LUZP4: variants seen among roughly 807,000 people sequenced by gnomAD.
The protein encoded by LUZP4 is leucine zipper protein 4, also known as HOM-TES-85 tumor antigen.
A neutral mutation model predicts 8.5 loss-of-function variants in LUZP4; 11 were observed. The observed-to-expected ratio is 1.30, with a 90% CI of 0.82 to 2.14. The LOEUF (loss-of-function observed/expected upper bound fraction) is 2.14, where lower values mean the gene tolerates loss of function less well. Ranked by LOEUF, LUZP4 falls within the 30% of genes most tolerant of loss-of-function variation. The pLI is 0.00. For synonymous variants in LUZP4, 104 were observed against 79.4 expected (o/e 1.31, Z -1.65); for missense variants, 276 against 229.7 (o/e 1.20, Z -1.30).
At chrX:115,289,918 A>T in intron 1 of LUZP4, 68 bp downstream of exon 1, 1 of 803,897 alleles carries the variant, frequency 1.2e-6, no homozygotes, top group Non-Finnish European at 1.8e-6. Flanking sequence ...AGACCTCGGC[A>T]TAGCGCTTAC....
chrX:115,300,177 C>A (rs2073390142), intron 1 of LUZP4, among the ~76,000 whole-genome samples: 1 of 111,496 alleles, frequency 9.0e-6, no homozygotes, highest in African/African-American at 3.3e-5. Flanking sequence ...TGCCACCACT[C>A]CCTTGGCTGC....
At chrX:115,303,498 T>C (rs2073407271) in intron 3 of LUZP4, 80 bp downstream of exon 3, 1 of 474,916 alleles carries the variant, frequency 2.1e-6, no homozygotes, top group African/African-American at 2.5e-5. Context: ...TTACTTTAAA[T>C]TCTATTGAAA....
In LUZP4 at chrX:115,307,491, T is replaced by C. The variant is rs2073429329; in HGVS notation, c.*687T>C. Reference sequence around the variant, plus strand: ...AAATTTAAATGTACTGGGAGTTATGTTGTTAAAAACACAAGATATGTTAAC... The same window carrying C: ...AAATTTAAATGTACTGGGAGTTATGCTGTTAAAAACACAAGATATGTTAAC... On this transcript the variant is annotated 3_prime_UTR_variant, in exon 4 of 4. Coordinates refer to ENST00000371920, the MANE Select transcript of LUZP4 (RefSeq NM_016383.5). 8.9e-6 allele frequency: 1 copy of C among 112,421 alleles called. No individual in the cohort carries two copies. The highest frequency in any genetic ancestry group is 3.7e-4 in the South Asian group (1 of 2,694). 9.3% of individuals were successfully genotyped at this position (112,421 alleles called of 1,213,427 possible).
rs781871454 is a variant in LUZP4, at chrX:115,306,798, T to C, written c.936T>C (p.Thr312=). The C allele has an allele frequency of 1.8e-5, 22 of 1,199,316 alleles. No homozygotes were observed. In the South Asian group the frequency reaches 3.5e-4, roughly 19 times the overall value. ...ACTCAACAGGTAAAAATACAATAAC[T>C]ACTTAATCATCAGAACAATGTGTTG... ...QRYSTGKNTI[T]T Residue 312 remains threonine (T), a synonymous_variant, in exon 4 of 4, where the codon ACT becomes ACC. Transcript: ENST00000371920.
chrX:115,293,148 A>C (rs1356517659), intron 1 of LUZP4, among the ~76,000 whole-genome samples: 1 of 112,068 alleles, frequency 8.9e-6, no homozygotes, highest in African/African-American at 3.2e-5. Context: ...GAAATATTTA[A>C]AAAATCAAAT....
intron 1 of LUZP4, among the ~76,000 whole-genome samples, chrX:115,301,014 A>G (rs1191352669): frequency 9.0e-6 from 1 of 110,828 alleles, no homozygotes; most frequent in Non-Finnish European, 1.9e-5. Context: ...CCTATCCCAG[A>G]ATCAGATATT....
At chrX:115,293,807 C>T (rs781824835) in intron 1 of LUZP4, among the ~76,000 whole-genome samples, 5 of 108,962 alleles carry the variant, frequency 4.6e-5, no homozygotes, top group East Asian at 5.9e-4. Context: ...AAAAATTAGC[C>T]GGGCGTGGAG....
At chrX:115,300,562 T>C (rs1415488735) in intron 1 of LUZP4, among the ~76,000 whole-genome samples, 1 of 112,136 alleles carries the variant, frequency 8.9e-6, no homozygotes, top group East Asian at 2.8e-4. Flanking sequence ...ACTGTAGCTC[T>C]TGATGGAGAG....
At chrX:115,301,893 G>A in intron 1 of LUZP4, 99 bp from the exon 2 acceptor site, 1 of 461,792 alleles carries the variant, frequency 2.2e-6, no homozygotes, top group Non-Finnish European at 3.4e-6. Flanking sequence ...CCAGTTTTTA[G>A]GTATTCTGAA....
At chrX:115,290,782 T>A (rs5988246) in intron 1 of LUZP4, among the ~76,000 whole-genome samples, 1,219 of 109,019 alleles carry the variant, frequency 0.011, 15 homozygotes, top group African/African-American at 0.039. Flanking sequence ...CTACTTTAGT[T>A]AGGGGTGTGT....
In LUZP4 at chrX:115,302,062, T is replaced by C. The variant is rs1165995213; in HGVS notation, c.162T>C (p.His54=). The C allele has an allele frequency of 2.5e-6, 3 of 1,192,409 alleles. No homozygotes were observed. The South Asian group carries it at 5.5e-5, about 22-fold the overall frequency. ...AAGAAAAGAATAAAAGACAGAACCA[T>C]AGTAAAAAGGAATCGCCTTCAAGAC... ...AEEEKNKRQN[H]SKKESPSRQQ... Residue 54 remains histidine, a synonymous_variant, in exon 2 of 4, where the codon CAT becomes CAC. Coordinates refer to ENST00000371920, the MANE Select transcript of LUZP4 (RefSeq NM_016383.5).
rs1028541719 is a variant in LUZP4 at position 115,306,268 on chromosome X, C to T, written c.406C>T (p.Gln136Ter). 5 of 1,208,382 alleles carry T rather than the reference C, an allele frequency of 4.1e-6. No homozygotes were observed. ...EKNQGQSEGN[Q>*]HQSEGNPDKS... ...GAATCAAGGCCAGTCAGAGGGGAAC[C>T]AGCATCAATCAGAAGGAAATCCGGA... Residue 136 changes from glutamine to a stop codon, truncating the protein, a stop_gained, in exon 4 of 4, where the codon CAG becomes TAG. Transcript: ENST00000371920. LOFTEE classifies it low-confidence loss of function (END_TRUNC).
At chrX:115,302,149 C>T (rs2073400634) in intron 2 of LUZP4, 26 bp downstream of exon 2, 4 of 1,133,685 alleles carry the variant, frequency 3.5e-6, no homozygotes, top group Admixed American at 6.0e-5. Context: ...AATAGTCACA[C>T]GTGGTAAAAA....
chrX:115,303,447 T>C, intron 3 of LUZP4, 29 bp downstream of exon 3: 1 of 773,472 alleles, frequency 1.3e-6, no homozygotes, highest in Non-Finnish European at 1.9e-6. Flanking sequence ...TTAACCAATA[T>C]TAAAAATCCT....
At chrX:115,302,694 T>A (rs1467497464) in intron 2 of LUZP4, among the ~76,000 whole-genome samples, 1 of 112,932 alleles carries the variant, frequency 8.9e-6, no homozygotes, top group Non-Finnish European at 1.9e-5. Flanking sequence ...ACATTGTGAT[T>A]ACTATAAGCC....
chrX:115,290,956 G>GT (rs1456847465), intron 1 of LUZP4, among the ~76,000 whole-genome samples: 11 of 110,845 alleles, frequency 9.9e-5, no homozygotes, highest in African/African-American at 2.6e-4. Context: ...CTAGGTTTTT[G>GT]TTTTTTTGTT....
At chrX:115,297,389 T>C (rs1403395211) in intron 1 of LUZP4, among the ~76,000 whole-genome samples, 1 of 112,234 alleles carries the variant, frequency 8.9e-6, no homozygotes, top group African/African-American at 3.2e-5. Context: ...TCATTACTCA[T>C]TAATGTCTTT....
chrX:115,306,870 A>AT lies in LUZP4; in HGVS notation c.*67dup. On this transcript the variant is annotated 3_prime_UTR_variant, in exon 4 of 4. Coordinates refer to ENST00000371920, the MANE Select transcript of LUZP4 (RefSeq NM_016383.5). Reference sequence around the variant, plus strand: ...CATATATCTATATTCTAATGGCTAAATATGTATTTGTTGAAACATGTATAT... The same window carrying AT: ...CATATATCTATATTCTAATGGCTAAATTATGTATTTGTTGAAACATGTATAT... 1.0e-6 allele frequency: 1 copy of AT among 1,002,217 alleles called. No homozygotes were observed. Among genetic ancestry groups the AT allele is most frequent in the Non-Finnish European group, 1.4e-6 (1 of 722,119 alleles). 82.6% of individuals were successfully genotyped at this position (1,002,217 alleles called of 1,213,427 possible).
intron 1 of LUZP4, among the ~76,000 whole-genome samples, chrX:115,295,219 G>A (rs2073365668): frequency 9.0e-6 from 1 of 111,550 alleles, no homozygotes; most frequent in South Asian, 3.8e-4. Context: ...GGGACCCTAG[G>A]TGTGCACCAC....
Sources: allele counts gnomAD v4.1 joint callset (sites outside exome capture counted in the v4.1 genomes callset), GRCh38; gene constraint gnomAD v4.1.1; transcripts MANE v1.5; gene names NCBI Gene and HGNC (gene_info 2026-07-23, HGNC 2026-07-21).